Variants in ZNF77 observed in about 807,000 individuals in gnomAD.
ZNF77 encodes the protein zinc finger protein 77, also known as ZNFpT1.
Under a neutral mutation model 13.5 loss-of-function variants are expected in ZNF77, and 15 were observed. The observed-to-expected ratio is 1.11, with a 90% CI of 0.74 to 1.71. The LOEUF (loss-of-function observed/expected upper bound fraction) is 1.71. Among genes scored for constraint, ZNF77 ranks in the 40% most tolerant of loss-of-function variants. The pLI, the probability that ZNF77 is intolerant of heterozygous loss-of-function variation, is 0.00. For missense variants in ZNF77, 717 were observed against 676.4 expected (o/e 1.06, Z -0.67); for synonymous variants, 282 against 250.0 (o/e 1.13, Z -1.21).
At chr19:2,938,364 C>T (rs910975661) in intron 2 of ZNF77, among the ~76,000 whole-genome samples, 4 of 152,192 alleles carry the variant, frequency 2.6e-5, no homozygotes, top group Non-Finnish European at 5.9e-5. Context: ...ACGTGGATTA[C>T]TCACAGTGTA....
At chr19:2,938,481 T>C (rs1024765219) in intron 2 of ZNF77, among the ~76,000 whole-genome samples, 7 of 152,220 alleles carry the variant, frequency 4.6e-5, no homozygotes, top group African/African-American at 1.7e-4. Context: ...CAGAATACTC[T>C]ACTCAGACTT....
chr19:2,934,112 G>C lies in ZNF77; in HGVS notation c.1015C>G (p.Leu339Val). 1 of 1,613,926 alleles carries C rather than the reference G, an allele frequency of 6.2e-7. No individual in the cohort carries two copies. The highest frequency in any genetic ancestry group is 8.5e-7 in the Non-Finnish European group (1 of 1,179,988). ...CGKAFTCYSS[L>V]REHGRTHSGE... ...CTGTGCGTTCTCCCATGTTCTCGAAGAGACGAGTAACAAGTGAACGCTTTT... is the reference window on the plus strand; with the variant it reads ...CTGTGCGTTCTCCCATGTTCTCGAACAGACGAGTAACAAGTGAACGCTTTT... Residue 339 changes from leucine (L) to valine (V), a missense_variant, in exon 4 of 4, where the codon CTT becomes GTT. Transcript: ENST00000314531.
chr19:2,934,896 G>C, intron 3 of ZNF77, 81 bp from the exon 4 acceptor site: 1 of 1,494,084 alleles, frequency 6.7e-7, no homozygotes, highest in East Asian at 2.3e-5. Flanking sequence ...TGATTATTTT[G>C]ATTACATTAT....
chr19:2,944,812 G>C (rs2088481727), intron 1 of ZNF77, 26 bp downstream of exon 1: 2 of 1,513,420 alleles, frequency 1.3e-6, no homozygotes, highest in Non-Finnish European at 1.8e-6. Flanking sequence ...CCCTGGGCCC[G>C]GGCTCGGCTC....
chr19:2,940,503 T>C (rs1311710046), intron 1 of ZNF77, among the ~76,000 whole-genome samples: 6 of 151,930 alleles, frequency 3.9e-5, no homozygotes, highest in Admixed American at 2.6e-4. Flanking sequence ...TGAAACCCCA[T>C]CTCTACTAAA....
intron 2 of ZNF77, among the ~76,000 whole-genome samples, chr19:2,938,808 T>C (rs2088421376): frequency 6.6e-6 from 1 of 151,902 alleles, no homozygotes; most frequent in Non-Finnish European, 1.5e-5. Flanking sequence ...TACAAAAAAT[T>C]AGCCAGGCGT....
chr19:2,943,298 C>G (rs779846135), intron 1 of ZNF77, among the ~76,000 whole-genome samples: 1 of 151,978 alleles, frequency 6.6e-6, no homozygotes, highest in Non-Finnish European at 1.5e-5. Flanking sequence ...TGCAACAGCC[C>G]CTTCTCCCCC....
Position 2,933,494 on chromosome 19 carries a change from C to G in ZNF77, c.1633G>C (p.Ala545Pro). 1.3e-6 allele frequency: 2 copies of G among 1,559,640 alleles called. No homozygotes were observed. The highest frequency in any genetic ancestry group is 1.7e-6 in the Non-Finnish European group (2 of 1,149,702). Residue 545 changes from alanine (A) to proline (P), a missense_variant, in exon 4 of 4, where the codon GCG becomes CCG. Physicochemically the swap from Ala to Pro is conservative, Grantham distance 27. Coordinates refer to ENST00000314531, the MANE Select transcript of ZNF77 (RefSeq NM_021217.3). Reference protein sequence around the residue: ...LQAHVRTHAGA With the variant: ...LQAHVRTHAGP ...GGTCCACTGTATTCGTAGATTCACG[C>G]TCCAGCATGTGTTCTCACATGTGCT... is the stretch of plus-strand genomic sequence containing the variant.
Position 2,933,349 on chromosome 19 carries a change from T to C in ZNF77, c.*140A>G. ...ACCATATTAATCATAATTAAGAGAT[T>C]TCTCTCCTACTCTGAATTTTTAGGT... On this transcript the variant is annotated 3_prime_UTR_variant, in exon 4 of 4. Transcript: ENST00000314531. The C allele has an allele frequency of 1.0e-6, 1 of 998,590 alleles. No individual in the cohort carries two copies. Among genetic ancestry groups the C allele is most frequent in the Non-Finnish European group, 1.4e-6 (1 of 701,358 alleles). The allele number at this position is 998,590 out of a possible 1,614,324, so 61.9% of individuals were successfully genotyped here. A position where few individuals can be genotyped will look rare whatever the true frequency, so the allele number is the denominator to read the frequency against.
chr19:2,936,638 G>A lies in ZNF77; in HGVS notation c.197C>T (p.Ser66Phe), dbSNP rs1237152020. The change falls in exon 3 of 4, where the codon TCC becomes TTC. Residue 66 changes from serine (S) to phenylalanine (F), a missense_variant. Physicochemically the swap from Ser to Phe is radical, Grantham distance 155 (BLOSUM62 -2). Coordinates refer to ENST00000314531, the MANE Select transcript of ZNF77 (RefSeq NM_021217.3). ...GAACTTTACAATCTCTTCATCATTG[G>A]ATATTCCATTCCCAAAAACGTCCCT... ...SQRDVFGNGI[S>F]NDEEIVKFTG... is the part of the protein sequence containing the mutation. 6.2e-7 allele frequency: 1 copy of A among 1,610,010 alleles called. No individual in the cohort carries two copies. Among genetic ancestry groups the A allele is most frequent in the Non-Finnish European group, 8.5e-7 (1 of 1,178,922 alleles).
At chr19:2,941,298 T>G (rs1230564146) in intron 1 of ZNF77, among the ~76,000 whole-genome samples, 2 of 149,974 alleles carry the variant, frequency 1.3e-5, no homozygotes, top group African/African-American at 4.9e-5. Context: ...GCCAACATGG[T>G]GAAACCGCAC....
chr19:2,942,075 C>CTTTT (rs36016142), intron 1 of ZNF77, among the ~76,000 whole-genome samples: 1 of 144,062 alleles, frequency 6.9e-6, no homozygotes, highest in African/African-American at 2.5e-5. Flanking sequence ...AGCATTTATT[C>CTTTT]TTTTTTTTTT....
intron 2 of ZNF77, among the ~76,000 whole-genome samples, chr19:2,938,347 A>C (rs972792317): frequency 6.6e-6 from 1 of 152,196 alleles, no homozygotes; most frequent in East Asian, 1.9e-4. Context: ...CAAAATTACC[A>C]TGTCAAACGT....
chr19:2,933,451 C>T lies in ZNF77; in HGVS notation c.*38G>A, dbSNP rs780784599. The T allele has an allele frequency of 2.3e-5, 34 of 1,506,516 alleles. No individual in the cohort carries two copies. The highest frequency in any genetic ancestry group is 9.2e-5 in the East Asian group (4 of 43,628). The allele number at this position is 1,506,516 out of a possible 1,614,324, so 93.3% of individuals were successfully genotyped here. A position where few individuals can be genotyped will look rare whatever the true frequency, so the allele number is the denominator to read the frequency against. ...TTCTCACATTTACAACAAGGTTTTA[C>T]GGTTGAACACTCTCCCAGGTCCACT... On this transcript the variant is annotated 3_prime_UTR_variant, in exon 4 of 4. Coordinates refer to ENST00000314531, the MANE Select transcript of ZNF77 (RefSeq NM_021217.3).
chr19:2,943,513 C>T (rs2088468776), intron 1 of ZNF77, among the ~76,000 whole-genome samples: 1 of 151,880 alleles, frequency 6.6e-6, no homozygotes, highest in South Asian at 2.1e-4. Flanking sequence ...CTCCCCTGAG[C>T]TAGCTGACCA....
chr19:2,933,428 C>G lies in ZNF77; in HGVS notation c.*61G>C. Reference sequence around the variant, plus strand: ...TACATGCTCTACATAAATAACGTTTCTCACATTTACAACAAGGTTTTACGG... The same window carrying G: ...TACATGCTCTACATAAATAACGTTTGTCACATTTACAACAAGGTTTTACGG... On this transcript the variant is annotated 3_prime_UTR_variant, in exon 4 of 4. Transcript: ENST00000314531. The G allele has an allele frequency of 6.7e-7, 1 of 1,496,018 alleles. No individual in the cohort carries two copies. The highest frequency in any genetic ancestry group is 1.5e-5 in the South Asian group (1 of 68,952). The allele number at this position is 1,496,018 out of a possible 1,614,324, so 92.7% of individuals were successfully genotyped here. A position where few individuals can be genotyped will look rare whatever the true frequency, so the allele number is the denominator to read the frequency against.
intron 2 of ZNF77, among the ~76,000 whole-genome samples, chr19:2,937,543 G>A (rs1457023943): frequency 5.3e-5 from 8 of 151,286 alleles, no homozygotes; most frequent in African/African-American, 1.9e-4. Context: ...CTAAGAAACA[G>A]AATAGTTCCA....
At chr19:2,942,473 C>G (rs756030585) in intron 1 of ZNF77, among the ~76,000 whole-genome samples, 7 of 151,320 alleles carry the variant, frequency 4.6e-5, no homozygotes, top group African/African-American at 7.3e-5. Context: ...ATTCTCCCCC[C>G]TCAGCCTCTC....
In ZNF77 at chr19:2,934,154, G is replaced by A; in HGVS notation, c.973C>T (p.Gln325Ter). The change falls in exon 4 of 4, where the codon CAG becomes TAG. Residue 325 changes from glutamine to a stop codon, truncating the protein, a stop_gained. Coordinates refer to ENST00000314531, the MANE Select transcript of ZNF77 (RefSeq NM_021217.3). LOFTEE classifies it low-confidence loss of function (END_TRUNC). ...AACGCTTTTCCGCAATGTTTACACT[G>A]ACAGGGTTTCTCTCCAGTGTGCGTC... The part of the protein sequence containing the change: ...VRTHTGEKPC[Q>*]CKHCGKAFTC... 6.2e-7 allele frequency: 1 copy of A among 1,608,374 alleles called. No individual in the cohort carries two copies. The highest frequency in any genetic ancestry group is 8.5e-7 in the Non-Finnish European group (1 of 1,178,010).
Sources: allele counts gnomAD v4.1 joint callset (sites outside exome capture counted in the v4.1 genomes callset), GRCh38; gene constraint gnomAD v4.1.1; transcripts MANE v1.5; gene names NCBI Gene and HGNC (gene_info 2026-07-23, HGNC 2026-07-21).